PDE5A: variants seen among roughly 807,000 people sequenced by gnomAD.
PDE5A encodes phosphodiesterase 5A.
Under a neutral mutation model 110.2 loss-of-function variants are expected in PDE5A, and 67 were observed. The ratio of observed to expected loss-of-function variants is 0.61; its 90% CI spans 0.50 to 0.75. The LOEUF is 0.75. Ranked by LOEUF, PDE5A falls within the 30% of genes least tolerant of loss-of-function variation. PDE5A has a pLI of 0.00. For missense variants in PDE5A, 862 were observed against 1,045.1 expected (o/e 0.82, Z 2.42); for synonymous variants, 328 against 351.2 (o/e 0.93, Z 0.74).
Position 119,596,533 on chromosome 4 carries a change from T to G in PDE5A, c.821A>C (p.His274Pro). ...QSILCMPIKN[H>P]REEVVGVAQA... ...GGAAAATTGGCTTACCTCTTCCCTA[T>G]GATTCTTAATTGGCATACAAAGAAT... Residue 274 changes from histidine to proline, a missense_variant, in exon 3 of 21, where the codon CAT becomes CCT. Coordinates refer to ENST00000354960, the MANE Select transcript of PDE5A (RefSeq NM_001083.4). 1 of 1,582,772 alleles carries G rather than the reference T, an allele frequency of 6.3e-7. No individual in the cohort carries two copies. The highest frequency in any genetic ancestry group is 8.6e-7 in the Non-Finnish European group (1 of 1,162,254).
intron 3 of PDE5A, among the ~76,000 whole-genome samples, chr4:119,579,227 T>A (rs1728497501): frequency 1.3e-5 from 2 of 152,170 alleles, no homozygotes; most frequent in South Asian, 2.1e-4. Flanking sequence ...AGGAACACTT[T>A]TACACTGTTG....
At chr4:119,501,329 G>A in intron 19 of PDE5A, 76 bp from the exon 20 acceptor site, 2 of 894,656 alleles carry the variant, frequency 2.2e-6, no homozygotes, top group Admixed American at 4.0e-5. Context: ...ATTATTTTTT[G>A]AGATGGAGTC....
At position 119,562,837 on chromosome 4, in the gene PDE5A, C is replaced by G. The variant is rs753750400; in HGVS notation, c.1127G>C (p.Cys376Ser). 7 of 1,566,060 alleles carry G rather than the reference C, an allele frequency of 4.5e-6. No homozygotes were observed. The highest frequency in any genetic ancestry group is 6.0e-6 in the Non-Finnish European group (7 of 1,162,448). ...KCTIFIVDED[C>S]SDSFSSVFHM... ...AAAGTCATACTCTGTACTCACGGAG[C>G]AATCTTCATCCACTATGAAAATGGT... Residue 376 changes from cysteine (C) to serine (S), a missense_variant, in exon 6 of 21, where the codon TGC (cysteine) becomes TCC (serine). Transcript: ENST00000354960.
chr4:119,587,228 T>C (rs1461716919), intron 3 of PDE5A, among the ~76,000 whole-genome samples: 1 of 6,870 alleles, frequency 1.5e-4, no homozygotes, highest in African/African-American at 4.0e-4. Context: ...TAACTTTTCC[T>C]TTTTTTTTTT....
rs768487380 is a variant in PDE5A at position 119,607,222 on chromosome 4, G to A, written c.228C>T (p.Thr76=). ...GCTGCAAGGGACAAGAGCAAGATTCGGTGTGGCCTCTGATACCTTCCTTGC... is the reference window on the plus strand; with the variant it reads ...GCTGCAAGGGACAAGAGCAAGATTCAGTGTGGCCTCTGATACCTTCCTTGC... ...PVCKEGIRGH[T]ESCSCPLQQS... Residue 76 remains threonine, a synonymous_variant, in exon 2 of 21, where the codon ACC becomes ACT. Transcript: ENST00000354960. 1.4e-5 allele frequency: 22 copies of A among 1,613,986 alleles called. No individual in the cohort carries two copies. Among genetic ancestry groups the A allele is most frequent in the Non-Finnish European group, 1.5e-5 (18 of 1,180,006 alleles).
chr4:119,619,002 T>A (rs1730043741), intron 1 of PDE5A, among the ~76,000 whole-genome samples: 1 of 152,164 alleles, frequency 6.6e-6, no homozygotes, highest in South Asian at 2.1e-4. Context: ...GCTACTAAAA[T>A]GCCATCCTCT....
rs536603207 is a variant in PDE5A, at chr4:119,543,279, A to T, written c.1397-645T>A. The T allele has an allele frequency of 2.6e-5, 4 of 152,170 alleles. No individual in the cohort carries two copies. The South Asian group carries it at 8.3e-4, about 32-fold the overall frequency. The allele number at this position is 152,170 out of a possible 1,614,324, so 9.4% of individuals were successfully genotyped here. On this transcript the variant is annotated intron_variant, in intron 9 of 20. Coordinates refer to ENST00000354960, the MANE Select transcript of PDE5A (RefSeq NM_001083.4). ...AATAAAAATGGAAGATTACATCAAC[A>T]TTAGGATAAATCTTAACTGGTTGTT...
intron 2 of PDE5A, among the ~76,000 whole-genome samples, chr4:119,605,846 A>T (rs1729509808): frequency 6.6e-6 from 1 of 152,170 alleles, no homozygotes; most frequent in African/African-American, 2.4e-5. Context: ...AACACAATAA[A>T]ACAGCTATGA....
chr4:119,501,829 C>T (rs763260219), intron 19 of PDE5A, among the ~76,000 whole-genome samples: 10 of 152,124 alleles, frequency 6.6e-5, no homozygotes, highest in Non-Finnish European at 1.5e-4. Context: ...TCTGTTTGCC[C>T]TTCAACACGA....
chr4:119,617,792 A>C (rs889200902), intron 1 of PDE5A, among the ~76,000 whole-genome samples: 1 of 152,192 alleles, frequency 6.6e-6, no homozygotes, highest in South Asian at 2.1e-4. Flanking sequence ...TTTGTGTTCT[A>C]ATGCTAAAAA....
At chr4:119,538,233 A>G (rs920783700) in intron 11 of PDE5A, among the ~76,000 whole-genome samples, 1 of 152,130 alleles carries the variant, frequency 6.6e-6, no homozygotes, top group African/African-American at 2.4e-5. Flanking sequence ...AGAGTTTAGC[A>G]TGTGGCAAAC....
chr4:119,529,886 GC>G (rs2110477169), intron 11 of PDE5A, among the ~76,000 whole-genome samples: 1 of 152,230 alleles, frequency 6.6e-6, no homozygotes, highest in Non-Finnish European at 1.5e-5. Flanking sequence ...CATTAGAGCA[GC>G]AGTTCTCAAA....
intron 9 of PDE5A, chr4:119,549,960 G>A (rs1016868858): frequency 4.6e-5 from 7 of 152,182 alleles, no homozygotes; most frequent in African/African-American, 1.7e-4. Context: ...GTGTCCGTCT[G>A]TCTTTCTGCA....
rs549613048 is a variant in PDE5A, at chr4:119,581,829, T to C, written c.832-14685A>G. Among the ~76,000 whole-genome samples, 3 of 152,364 alleles carry C rather than the reference T, an allele frequency of 2.0e-5. No individual in the cohort carries two copies. In the South Asian group the frequency reaches 6.2e-4, roughly 32 times the overall value. Reference sequence around the variant, plus strand: ...TATTTTTAGACTATACTGTAATTTCTTAAGTGTGCAATAGCACTATGTCTA... The same window carrying C: ...TATTTTTAGACTATACTGTAATTTCCTAAGTGTGCAATAGCACTATGTCTA... On this transcript the variant is annotated intron_variant, in intron 3 of 20. Coordinates refer to ENST00000354960, the MANE Select transcript of PDE5A (RefSeq NM_001083.4).
chr4:119,507,261 G>T (rs1259874579), intron 16 of PDE5A, among the ~76,000 whole-genome samples: 1 of 151,884 alleles, frequency 6.6e-6, no homozygotes, highest in Non-Finnish European at 1.5e-5. Flanking sequence ...GAAATGGTCA[G>T]AAGTTGTGGG....
chr4:119,577,447 G>A (rs887792278), intron 3 of PDE5A, among the ~76,000 whole-genome samples: 35 of 152,200 alleles, frequency 2.3e-4, no homozygotes, highest in Admixed American at 1.0e-3. Flanking sequence ...ATAAAATACT[G>A]GCAAACCAAA....
intron 1 of PDE5A, among the ~76,000 whole-genome samples, chr4:119,628,307 G>T (rs1052949114): frequency 1.4e-4 from 22 of 152,342 alleles, no homozygotes; most frequent in African/African-American, 5.0e-4. Flanking sequence ...AGGTCGGCAA[G>T]TACATTTTTG....
chr4:119,532,696 T>C (rs2110479338), intron 11 of PDE5A, among the ~76,000 whole-genome samples: 1 of 152,270 alleles, frequency 6.6e-6, no homozygotes, highest in South Asian at 2.1e-4. Context: ...GTAAATATAA[T>C]GATCATTTAA....
chr4:119,515,841 C>T (rs1725891391), intron 14 of PDE5A, among the ~76,000 whole-genome samples: 1 of 152,142 alleles, frequency 6.6e-6, no homozygotes, highest in Non-Finnish European at 1.5e-5. Context: ...AATTTCTACC[C>T]ATTCACCTTG....
Sources: allele counts gnomAD v4.1 joint callset (sites outside exome capture counted in the v4.1 genomes callset), GRCh38; gene constraint gnomAD v4.1.1; transcripts MANE v1.5; gene names NCBI Gene and HGNC (gene_info 2026-07-23, HGNC 2026-07-21).